GRIK4: variants seen among roughly 807,000 people sequenced by gnomAD.
GRIK4 encodes glutamate ionotropic receptor kainate type subunit 4.
Under a neutral mutation model 104.9 loss-of-function variants are expected in GRIK4, and 40 were observed. The ratio of observed to expected loss-of-function variants is 0.38; its 90% confidence interval spans 0.30 to 0.50. GRIK4 has a LOEUF of 0.50. Among genes scored for constraint, GRIK4 ranks in the 20% least tolerant of loss-of-function variants. The probability of loss-of-function intolerance (pLI) is 0.93; values close to 1 mark genes in which losing one functional copy is unlikely to be tolerated. For synonymous variants in GRIK4, 485 were observed against 524.9 expected, an observed-to-expected ratio of 0.92 and a Z score of 1.04; for missense variants, 1,047 against 1,308.1, an observed-to-expected ratio of 0.80 and a Z score of 3.08.
intron 1 of GRIK4, among the ~76,000 whole-genome samples, chr11:120,623,967 C>T (rs1401674786): frequency 6.9e-6 from 1 of 145,036 alleles, no homozygotes; most frequent in East Asian, 2.1e-4. Flanking sequence ...CTTCCTCCCC[C>T]TTCCCTCTTC....
intron 13 of GRIK4, among the ~76,000 whole-genome samples, chr11:120,923,823 C>A (rs1943280313): frequency 6.6e-6 from 1 of 152,204 alleles, no homozygotes; most frequent in African/African-American, 2.4e-5. Flanking sequence ...TGCCCAGGAT[C>A]ACACAGCTAG....
At chr11:120,649,891 A>T (rs1949595665) in intron 1 of GRIK4, among the ~76,000 whole-genome samples, 1 of 152,194 alleles carries the variant, frequency 6.6e-6, no homozygotes, top group South Asian at 2.1e-4. Context: ...CCCTTCTGCC[A>T]GGTGTCTCTG....
intron 3 of GRIK4, among the ~76,000 whole-genome samples, chr11:120,785,501 A>G (rs990168840): frequency 3.9e-5 from 6 of 152,260 alleles, no homozygotes; most frequent in African/African-American, 1.2e-4. Context: ...CGGTGATGCC[A>G]GGGACTTTAC....
intron 13 of GRIK4, among the ~76,000 whole-genome samples, chr11:120,932,410 C>G (rs148778484): frequency 0.011 from 1,632 of 150,160 alleles, 14 homozygotes; most frequent in Admixed American, 0.018. Flanking sequence ...CCAGTGAGCT[C>G]AGCAGCCCCA....
intron 8 of GRIK4, among the ~76,000 whole-genome samples, chr11:120,848,755 T>C (rs1953907180): frequency 6.6e-6 from 1 of 151,968 alleles, no homozygotes; most frequent in African/African-American, 2.4e-5. Context: ...AAAATGAAAA[T>C]TAACCAATTA....
intron 6 of GRIK4, among the ~76,000 whole-genome samples, chr11:120,822,619 G>A (rs182000114): frequency 2.4e-4 from 36 of 152,314 alleles, no homozygotes; most frequent in Admixed American, 2.2e-3. Context: ...CAAGTGGTCA[G>A]TAGCCACGTG....
intron 3 of GRIK4, among the ~76,000 whole-genome samples, chr11:120,713,624 T>G (rs868646817): frequency 6.6e-6 from 1 of 152,122 alleles, no homozygotes; most frequent in African/African-American, 2.4e-5. Context: ...TTTTATCTTC[T>G]CTGGCTACAG....
At chr11:120,923,688 C>G (rs554762572) in intron 13 of GRIK4, among the ~76,000 whole-genome samples, 1 of 152,294 alleles carries the variant, frequency 6.6e-6, no homozygotes, top group Non-Finnish European at 1.5e-5. Flanking sequence ...GCTGGGATCA[C>G]AGGCATGAGC....
intron 1 of GRIK4, among the ~76,000 whole-genome samples, chr11:120,562,859 C>T (rs1381386096): frequency 6.6e-6 from 1 of 152,160 alleles, no homozygotes; most frequent in African/African-American, 2.4e-5. Flanking sequence ...TGGGGGGTAT[C>T]GTGTGGAAAA....
intron 3 of GRIK4, among the ~76,000 whole-genome samples, chr11:120,771,121 C>G (rs1951933199): frequency 6.6e-6 from 1 of 152,090 alleles, no homozygotes; most frequent in Admixed American, 6.5e-5. Context: ...AAAAAACTTA[C>G]ATTGCCAAGA....
rs966695988 is a variant in GRIK4 at position 120,903,183 on chromosome 11, G to A, written c.1273-2107G>A. Reference sequence around the variant, plus strand: ...TCCATGCACACCTGTACCCAAGCCCGATTGTCCCTGCCACCCCTGCTCCCA... The same window carrying A: ...TCCATGCACACCTGTACCCAAGCCCAATTGTCCCTGCCACCCCTGCTCCCA... On this transcript the variant is annotated intron_variant, in intron 12 of 20. Transcript: ENST00000527524. This position sits in a 1 kb window ranked among gnomAD's most constrained non-coding sequence, Gnocchi z 4.4. Among the ~76,000 whole-genome samples the A allele has an allele frequency of 6.6e-6, 1 of 152,046 alleles. No homozygotes were observed. Among genetic ancestry groups the A allele is most frequent in the Non-Finnish European group, 1.5e-5 (1 of 67,998 alleles).
At chr11:120,592,570 T>C (rs1948748275) in intron 1 of GRIK4, among the ~76,000 whole-genome samples, 2 of 152,274 alleles carry the variant, frequency 1.3e-5, no homozygotes, top group Non-Finnish European at 1.5e-5. Context: ...ATGTTTCTCT[T>C]GTGGACTCCC....
intron 3 of GRIK4, among the ~76,000 whole-genome samples, chr11:120,773,715 T>C (rs948027): frequency 0.17 from 26,199 of 152,192 alleles, 2,377 homozygotes; most frequent in Admixed American, 0.24. Flanking sequence ...GTAAAACAGC[T>C]GACTCATAGG....
Position 120,986,306 on chromosome 11 carries a change from G to C in GRIK4, c.*46G>C. 1 of 1,165,926 alleles carries C rather than the reference G, an allele frequency of 8.6e-7. No homozygotes were observed. The highest frequency in any genetic ancestry group is 1.1e-6 in the Non-Finnish European group (1 of 873,524). The allele number at this position is 1,165,926 out of a possible 1,614,324, so 72.2% of individuals were successfully genotyped here. On this transcript the variant is annotated 3_prime_UTR_variant, in exon 21 of 21. Coordinates refer to ENST00000527524, the MANE Select transcript of GRIK4 (RefSeq NM_014619.5). Reference sequence around the variant, plus strand: ...GCAGAGGCCGGGCGGGGCGGGAGGGGAGGGGCGGGGCGGGCGCTGCTGTCA... The same window carrying C: ...GCAGAGGCCGGGCGGGGCGGGAGGGCAGGGGCGGGGCGGGCGCTGCTGTCA...
intron 1 of GRIK4, among the ~76,000 whole-genome samples, chr11:120,546,423 G>C (rs1376168215): frequency 6.6e-6 from 1 of 152,166 alleles, no homozygotes; most frequent in African/African-American, 2.4e-5. Flanking sequence ...AAGGGACCGC[G>C]CCTGCCTGTG....
chr11:120,540,110 C>G (rs1948017358), intron 1 of GRIK4, among the ~76,000 whole-genome samples: 1 of 152,114 alleles, frequency 6.6e-6, no homozygotes, highest in Admixed American at 6.6e-5. Context: ...GAGGCTCTTC[C>G]AGGTCTCTAG....
intron 3 of GRIK4, among the ~76,000 whole-genome samples, chr11:120,766,475 TGGC>T (rs1951842292): frequency 6.6e-6 from 1 of 152,204 alleles, no homozygotes; most frequent in Admixed American, 6.5e-5. Flanking sequence ...TCTGTGTTGC[TGGC>T]ATTCCAGGCA....
Position 120,540,962 on chromosome 11 carries a change from G to C in GRIK4, c.-159+29075G>C, listed in dbSNP as rs2253154. On this transcript the variant is annotated intron_variant, in intron 1 of 20. Coordinates refer to ENST00000527524, the MANE Select transcript of GRIK4 (RefSeq NM_014619.5). Reference sequence around the variant, plus strand: ...TCCAGCCTGGGTGAGAGTGAGACCCGGTCTCTTAAAAACAAAACAAAGAAC... The same window carrying C: ...TCCAGCCTGGGTGAGAGTGAGACCCCGTCTCTTAAAAACAAAACAAAGAAC... 2.2e-3 allele frequency among the ~76,000 whole-genome samples: 339 copies of C among 152,242 alleles called. 2 individuals carry two copies. The highest frequency in any genetic ancestry group is 7.1e-3 in the African/African-American group (295 of 41,540).
Position 120,753,896 on chromosome 11 carries a change from A to G in GRIK4, c.83-48797A>G, listed in dbSNP as rs145929904. ...TAACCGTTAGGCAAGCTTCATCACAATCACTTTTCCAATTTTTTCAGCACC... is the reference window on the plus strand; with the variant it reads ...TAACCGTTAGGCAAGCTTCATCACAGTCACTTTTCCAATTTTTTCAGCACC... On this transcript the variant is annotated intron_variant, in intron 3 of 20. Coordinates refer to ENST00000527524, the MANE Select transcript of GRIK4 (RefSeq NM_014619.5). Among the ~76,000 whole-genome samples the G allele has an allele frequency of 3.9e-5, 6 of 152,238 alleles. No homozygotes were observed. The East Asian group carries it at 1.2e-3, about 29-fold the overall frequency.
Sources: gnomAD v4.1 joint callset for allele counts (sites outside exome capture counted in the v4.1 genomes callset) on GRCh38, gnomAD v4.1.1 for gene constraint, Gnocchi (gnomAD v3.1) non-coding constraint, MANE v1.5 for transcripts, NCBI Gene and HGNC (gene_info 2026-07-23, HGNC 2026-07-21) for gene names.